LMF1: variants seen among roughly 807,000 people sequenced by gnomAD.
LMF1 encodes transmembrane protein 112.
LMF1 carries 68 observed loss-of-function variants against 60.6 expected under a neutral mutation model. The ratio of observed to expected loss-of-function variants is 1.12; its 90% CI spans 0.92 to 1.37. LMF1 has a LOEUF of 1.37. Ranked by LOEUF, LMF1 falls within the 40% of genes most tolerant of loss-of-function variation. The pLI, the probability that LMF1 is intolerant of heterozygous loss-of-function variation, is 0.00. For synonymous variants in LMF1, 418 were observed against 324.7 expected, an observed-to-expected ratio of 1.29 and a Z score of -3.09; for missense variants, 948 against 767.2, an observed-to-expected ratio of 1.24 and a Z score of -2.78.
chr16:912,910 G>T (rs548917178), intron 3 of LMF1, among the ~76,000 whole-genome samples: 1 of 152,234 alleles, frequency 6.6e-6, no homozygotes, highest in African/African-American at 2.4e-5. Flanking sequence ...CTGCCAGGGC[G>T]GCCTCAGCGC....
intron 3 of LMF1, among the ~76,000 whole-genome samples, chr16:914,638 T>A (rs2151759329): frequency 4.0e-5 from 6 of 151,834 alleles, no homozygotes; most frequent in African/African-American, 7.3e-5. Context: ...GGTGACACAC[T>A]CCCTCCCTCC....
At chr16:972,393 G>C (rs1367620352), upstream of LMF1, among the ~76,000 whole-genome samples, 1 of 152,214 alleles carries the variant, frequency 6.6e-6, no homozygotes, top group African/African-American at 2.4e-5. Flanking sequence ...TCGGAGCCTT[G>C]GGGATCGCAG....
intron 4 of LMF1, among the ~76,000 whole-genome samples, chr16:905,677 A>C (rs2070956924): frequency 6.6e-6 from 1 of 151,340 alleles, no homozygotes; most frequent in African/African-American, 2.4e-5. Flanking sequence ...GTCAGGCATA[A>C]TGGCATTGTG....
intron 5 of LMF1, among the ~76,000 whole-genome samples, chr16:887,675 T>G (rs957469611): frequency 4.6e-5 from 7 of 151,930 alleles, no homozygotes; most frequent in Non-Finnish European, 8.8e-5. Flanking sequence ...GAGTGCGCGC[T>G]CCTAGCATGA....
At chr16:890,896 C>A (rs1373884389) in intron 5 of LMF1, among the ~76,000 whole-genome samples, 1 of 152,240 alleles carries the variant, frequency 6.6e-6, no homozygotes, top group Non-Finnish European at 1.5e-5. Flanking sequence ...TCGAGACATC[C>A]AGGGCCATCC....
At chr16:867,136 G>A (rs1416007966) in intron 10 of LMF1, among the ~76,000 whole-genome samples, 3 of 152,186 alleles carry the variant, frequency 2.0e-5, no homozygotes, top group Non-Finnish European at 4.4e-5. Context: ...TCATGGAGAC[G>A]GGAGAGATGT....
chr16:896,930 T>G (rs1054086980), intron 4 of LMF1, among the ~76,000 whole-genome samples: 3 of 152,140 alleles, frequency 2.0e-5, no homozygotes, highest in African/African-American at 7.2e-5. Flanking sequence ...ACGGATTTTT[T>G]TTTCTCCCAG....
chr16:932,541 C>T (rs1224555247), intron 3 of LMF1, among the ~76,000 whole-genome samples: 1 of 152,184 alleles, frequency 6.6e-6, no homozygotes, highest in Non-Finnish European at 1.5e-5. Context: ...TTTCCCTCCT[C>T]ATAAGAACTG....
At chr16:968,055 C>G (rs1005297177) in intron 1 of LMF1, among the ~76,000 whole-genome samples, 4 of 152,332 alleles carry the variant, frequency 2.6e-5, no homozygotes, top group Non-Finnish European at 5.9e-5. Context: ...GCCCGACACC[C>G]CAGGACGCCC....
intron 1 of LMF1, chr16:968,458 G>C (rs541008443): frequency 6.6e-6 from 1 of 152,334 alleles, no homozygotes; most frequent in Admixed American, 6.5e-5. Flanking sequence ...TATTTGGAGA[G>C]CCCCTATGGC....
intron 3 of LMF1, among the ~76,000 whole-genome samples, chr16:918,309 T>C (rs1490735017): frequency 6.6e-6 from 1 of 152,210 alleles, no homozygotes; most frequent in Non-Finnish European, 1.5e-5. Context: ...CCAGACTTCC[T>C]AGCCCCAGGT....
At chr16:905,659 G>A (rs937923193) in intron 4 of LMF1, among the ~76,000 whole-genome samples, 33 of 151,760 alleles carry the variant, frequency 2.2e-4, no homozygotes, top group African/African-American at 7.3e-4. Context: ...TCCAGATACA[G>A]GTTCCTTGTC....
intron 1 of LMF1, among the ~76,000 whole-genome samples, chr16:965,824 C>T (rs1473242214): frequency 2.0e-5 from 3 of 152,090 alleles, no homozygotes; most frequent in Non-Finnish European, 2.9e-5. Flanking sequence ...AAAAGTGTCC[C>T]ATGCTGACAC....
chr16:955,545 T>TCC (rs2072678008), intron 1 of LMF1, among the ~76,000 whole-genome samples: 22 of 114,834 alleles, frequency 1.9e-4, no homozygotes, highest in African/African-American at 8.0e-4. Flanking sequence ...AGTGTGTGCA[T>TCC]ACACGCACAC....
chr16:965,213 T>C (rs1008915703), intron 1 of LMF1, among the ~76,000 whole-genome samples: 5 of 152,196 alleles, frequency 3.3e-5, no homozygotes, highest in Non-Finnish European at 7.3e-5. Context: ...GCGGAAGCCA[T>C]GTTCTTCTCC....
intron 4 of LMF1, chr16:899,129 G>C (rs1226439045): frequency 6.6e-6 from 1 of 152,286 alleles, no homozygotes; most frequent in Non-Finnish European, 1.5e-5. Context: ...GCGGGGATCT[G>C]AGACACCCTC....
At chr16:861,316 T>C (rs2069457372) in intron 10 of LMF1, among the ~76,000 whole-genome samples, 1 of 152,026 alleles carries the variant, frequency 6.6e-6, no homozygotes, top group Non-Finnish European at 1.5e-5. Context: ...TGATCTTGTG[T>C]CTTCTGACTT....
upstream of LMF1, among the ~76,000 whole-genome samples, chr16:973,766 C>T (rs904406795): frequency 1.1e-4 from 17 of 152,200 alleles, no homozygotes; most frequent in Middle Eastern, 3.4e-3. Flanking sequence ...TTTGGGAGGC[C>T]GAGGCGGGTG....
At chr16:935,705 A>G (rs561163379) in intron 2 of LMF1, among the ~76,000 whole-genome samples, 15 of 152,364 alleles carry the variant, frequency 9.8e-5, no homozygotes, top group African/African-American at 3.6e-4. Context: ...CTATCTCACT[A>G]AAGACATTAA....
Sources: gnomAD v4.1 joint callset for allele counts (sites outside exome capture counted in the v4.1 genomes callset) on GRCh38, gnomAD v4.1.1 for gene constraint, MANE v1.5 for transcripts, NCBI Gene and HGNC (gene_info 2026-07-23, HGNC 2026-07-21) for gene names.